DCAF17: variants seen among roughly 807,000 people sequenced by gnomAD.
DCAF17 encodes the protein DDB1 and CUL4 associated factor 17.
DCAF17 carries 48 observed loss-of-function variants against 66.0 expected under a neutral mutation model. The observed-to-expected ratio is 0.73, with a 90% CI of 0.58 to 0.92. DCAF17 has a LOEUF of 0.92. DCAF17 is among the 40% of genes least tolerant of loss of function. The probability of loss-of-function intolerance (pLI) is 0.00; values close to 1 mark genes in which losing one functional copy is unlikely to be tolerated. For synonymous variants in DCAF17, 206 were observed against 214.6 expected (o/e 0.96, Z 0.35); for missense variants, 562 against 622.8 (o/e 0.90, Z 1.04).
chr2:171,461,358 C>G (rs1439581592), intron 8 of DCAF17, among the ~76,000 whole-genome samples: 1 of 151,796 alleles, frequency 6.6e-6, no homozygotes, highest in African/African-American at 2.4e-5. Context: ...ACCCAGGAGG[C>G]AGAGGTTGCA....
Position 171,443,545 on chromosome 2 carries a change from CTT to C in DCAF17, c.255_256del (p.Tyr86Ter). 3 of 1,612,704 alleles carry C rather than the reference CTT, an allele frequency of 1.9e-6. No homozygotes were observed. The highest frequency in any genetic ancestry group is 2.7e-5 in the African/African-American group (2 of 74,970). ...CAGTGTTGCATCTGAGCCAAGAAAACTTTATGAAATGCCAAAATGTTCCAAAT... is the reference window on the plus strand; with the variant it reads ...CAGTGTTGCATCTGAGCCAAGAAAACTATGAAATGCCAAAATGTTCCAAAT... Reference protein sequence around the residue: ...VSSVASEPRKLYEMPKCSKSE... With the variant: ...VSSVASEPRKXYEMPKCSKSE... On this transcript the variant is annotated frameshift_variant, in exon 3 of 14. Coordinates refer to ENST00000375255, the MANE Select transcript of DCAF17 (RefSeq NM_025000.4). LOFTEE classifies it high-confidence loss of function.
chr2:171,434,815 T>C (rs1693734013), intron 1 of DCAF17, 112 bp downstream of exon 1: 2 of 1,393,698 alleles, frequency 1.4e-6, no homozygotes, highest in Non-Finnish European at 1.9e-6. Flanking sequence ...GGGTCACATG[T>C]GATGGGGAGG....
intron 10 of DCAF17, among the ~76,000 whole-genome samples, chr2:171,475,173 C>T (rs191195257): frequency 1.3e-5 from 2 of 152,282 alleles, no homozygotes; most frequent in African/African-American, 4.8e-5. Flanking sequence ...CCTACCTGTT[C>T]TGCCTAATTT....
chr2:171,440,518 G>A (rs201206877), intron 2 of DCAF17, among the ~76,000 whole-genome samples: 1 of 152,102 alleles, frequency 6.6e-6, no homozygotes, highest in Admixed American at 6.5e-5. Context: ...AAGGCTGCTC[G>A]AGCCGTCAGC....
intron 1 of DCAF17, 25 bp from the exon 2 acceptor site, chr2:171,435,058 A>G (rs1381354779): frequency 1.3e-6 from 2 of 1,524,794 alleles, no homozygotes; most frequent in Non-Finnish European, 1.8e-6. Context: ...TTCTTTCCTG[A>G]ACGGAAATTC....
intron 2 of DCAF17, among the ~76,000 whole-genome samples, chr2:171,441,337 C>T (rs1694296499): frequency 6.6e-6 from 1 of 152,170 alleles, no homozygotes; most frequent in Non-Finnish European, 1.5e-5. Context: ...AGAAGCTGCG[C>T]ACTTGGAGTT....
Position 171,483,461 on chromosome 2 carries a change from A to G in DCAF17, c.*2347A>G, listed in dbSNP as rs769595023. 4.4e-6 allele frequency: 2 copies of G among 454,042 alleles called. No homozygotes were observed. Among genetic ancestry groups the G allele is most frequent in the South Asian group, 3.1e-5 (2 of 64,484 alleles). 28.1% of individuals were successfully genotyped at this position (454,042 alleles called of 1,614,324 possible). ...CCTGGATCTAAGTTTCTGCATTCTC[A>G]GAGCATCAATGCAGCAAGCTTATTG... On this transcript the variant is annotated 3_prime_UTR_variant, in exon 14 of 14. Coordinates refer to ENST00000375255, the MANE Select transcript of DCAF17 (RefSeq NM_025000.4).
rs773597984 is a variant in DCAF17 at position 171,472,866 on chromosome 2, A to G, written c.982-1000A>G. On this transcript the variant is annotated intron_variant, in intron 9 of 13. Coordinates refer to ENST00000375255, the MANE Select transcript of DCAF17 (RefSeq NM_025000.4). ...GAAATATGGCATCATTTCATTTTACATTAGAGAAATTAAATTAAATGACTT... is the reference window on the plus strand; with the variant it reads ...GAAATATGGCATCATTTCATTTTACGTTAGAGAAATTAAATTAAATGACTT... 11 of 313,808 alleles carry G rather than the reference A, an allele frequency of 3.5e-5. No individual in the cohort carries two copies. The East Asian group carries it at 7.7e-4, about 22-fold the overall frequency. 19.4% of individuals were successfully genotyped at this position (313,808 alleles called of 1,614,324 possible). A position where few individuals can be genotyped will look rare whatever the true frequency, so the allele number is the denominator to read the frequency against.
intron 9 of DCAF17, among the ~76,000 whole-genome samples, chr2:171,471,169 A>G (rs1415048992): frequency 1.3e-5 from 2 of 152,240 alleles, no homozygotes; most frequent in African/African-American, 4.8e-5. Flanking sequence ...AAGAGCTGCC[A>G]AATTCAGGGG....
chr2:171,450,099 G>A (rs890445236), intron 5 of DCAF17, 142 bp downstream of exon 5: 10 of 685,348 alleles, frequency 1.5e-5, no homozygotes, highest in Admixed American at 2.4e-5. Context: ...GGATGGGATC[G>A]GAGACCATTA....
Position 171,434,521 on chromosome 2 carries a change from G to A in DCAF17, c.-57G>A, listed in dbSNP as rs1693647592. The stretch of plus-strand genomic sequence containing the variant: ...AGGCAGCGGCGGCTGCCCAGCACGG[G>A]AGTGTGGGGCGCGCCACTCGGCGGC... On this transcript the variant is annotated 5_prime_UTR_variant, in exon 1 of 14. Coordinates refer to ENST00000375255, the MANE Select transcript of DCAF17 (RefSeq NM_025000.4). The A allele has an allele frequency of 6.6e-7, 1 of 1,523,380 alleles. No homozygotes were observed. Among genetic ancestry groups the A allele is most frequent in the Admixed American group, 2.0e-5 (1 of 50,584 alleles). 94.4% of individuals were successfully genotyped at this position (1,523,380 alleles called of 1,614,324 possible). A position where few individuals can be genotyped will look rare whatever the true frequency, so the allele number is the denominator to read the frequency against.
At chr2:171,464,701 T>C (rs1055977628) in intron 8 of DCAF17, among the ~76,000 whole-genome samples, 2 of 152,194 alleles carry the variant, frequency 1.3e-5, no homozygotes, top group Admixed American at 1.3e-4. Context: ...TACTTTTAGG[T>C]CCTTTAAATG....
At position 171,434,786 on chromosome 2, in the gene DCAF17, G is replaced by C. The variant is rs936562342; in HGVS notation, c.126+83G>C. 21 of 1,387,910 alleles carry C rather than the reference G, an allele frequency of 1.5e-5. No homozygotes were observed. The South Asian group carries it at 2.8e-4, about 18-fold the overall frequency. The allele number at this position is 1,387,910 out of a possible 1,614,324, so 86.0% of individuals were successfully genotyped here. A position where few individuals can be genotyped will look rare whatever the true frequency, so the allele number is the denominator to read the frequency against. On this transcript the variant is annotated intron_variant, in intron 1 of 13. Coordinates refer to ENST00000375255, the MANE Select transcript of DCAF17 (RefSeq NM_025000.4). ...TCCTGCGGGGATGCGGTTTTAACGC[G>C]CTGGGGCCTCCCTTTATAGGGTCAC...
rs897980063 is a variant in DCAF17, at chr2:171,458,559, G to A, written c.838+82G>A. 5 of 1,092,216 alleles carry A rather than the reference G, an allele frequency of 4.6e-6. No individual in the cohort carries two copies. The African/African-American group carries it at 8.0e-5, about 17-fold the overall frequency. 67.7% of individuals were successfully genotyped at this position (1,092,216 alleles called of 1,614,324 possible). A position where few individuals can be genotyped will look rare whatever the true frequency, so the allele number is the denominator to read the frequency against. On this transcript the variant is annotated intron_variant, in intron 8 of 13. Coordinates refer to ENST00000375255, the MANE Select transcript of DCAF17 (RefSeq NM_025000.4). ...AGTTATTAATTATAGTCATCCAAAT[G>A]TTTTTCTCATTTATTTAAAAAACTC...
At position 171,482,504 on chromosome 2, in the gene DCAF17, T is replaced by C. The variant is rs1215575779; in HGVS notation, c.*1390T>C. The C allele has an allele frequency of 2.2e-6, 1 of 454,020 alleles. No homozygotes were observed. The highest frequency in any genetic ancestry group is 2.0e-5 in the African/African-American group (1 of 50,108). 28.1% of individuals were successfully genotyped at this position (454,020 alleles called of 1,614,324 possible). A position where few individuals can be genotyped will look rare whatever the true frequency, so the allele number is the denominator to read the frequency against. On this transcript the variant is annotated 3_prime_UTR_variant, in exon 14 of 14. Coordinates refer to ENST00000375255, the MANE Select transcript of DCAF17 (RefSeq NM_025000.4). Reference sequence around the variant, plus strand: ...TAGTCCCACTCAGTAAACTTACATCTTGAAAAACAAGACCAGTAAGAGGCC... The same window carrying C: ...TAGTCCCACTCAGTAAACTTACATCCTGAAAAACAAGACCAGTAAGAGGCC...
Position 171,483,470 on chromosome 2 carries a change from A to T in DCAF17, c.*2356A>T, listed in dbSNP as rs1335496831. On this transcript the variant is annotated 3_prime_UTR_variant, in exon 14 of 14. Coordinates refer to ENST00000375255, the MANE Select transcript of DCAF17 (RefSeq NM_025000.4). Reference sequence around the variant, plus strand: ...AAGTTTCTGCATTCTCAGAGCATCAATGCAGCAAGCTTATTGTTCCTCAAT... The same window carrying T: ...AAGTTTCTGCATTCTCAGAGCATCATTGCAGCAAGCTTATTGTTCCTCAAT... The T allele has an allele frequency of 2.2e-6, 1 of 454,126 alleles. No homozygotes were observed. Among genetic ancestry groups the T allele is most frequent in the Non-Finnish European group, 4.4e-6 (1 of 226,796 alleles). 28.1% of individuals were successfully genotyped at this position (454,126 alleles called of 1,614,324 possible). A position where few individuals can be genotyped will look rare whatever the true frequency, so the allele number is the denominator to read the frequency against.
At chr2:171,470,128 A>T (rs1381109527) in intron 9 of DCAF17, among the ~76,000 whole-genome samples, 1 of 152,142 alleles carries the variant, frequency 6.6e-6, no homozygotes, top group East Asian at 1.9e-4. Flanking sequence ...GGCTCAAGTG[A>T]TCCTCCCACC....
intron 2 of DCAF17, among the ~76,000 whole-genome samples, chr2:171,438,286 A>G (rs921737943): frequency 3.9e-5 from 6 of 152,176 alleles, no homozygotes; most frequent in African/African-American, 1.4e-4. Flanking sequence ...AATGTGGTCT[A>G]CCTTGGTGAA....
Position 171,482,097 on chromosome 2 carries a change from T to C in DCAF17, c.*983T>C. 1 of 452,600 alleles carries C rather than the reference T, an allele frequency of 2.2e-6. No individual in the cohort carries two copies. The allele number at this position is 452,600 out of a possible 1,614,324, so 28.0% of individuals were successfully genotyped here. ...TATTTCTTCTTTGTTAGGAAAGATC[T>C]AAATATGGTCCTTGACTTTTAATAA... On this transcript the variant is annotated 3_prime_UTR_variant, in exon 14 of 14. Transcript: ENST00000375255.
Sources: gnomAD v4.1 joint callset for allele counts (sites outside exome capture counted in the v4.1 genomes callset) on GRCh38, gnomAD v4.1.1 for gene constraint, MANE v1.5 for transcripts, NCBI Gene and HGNC (gene_info 2026-07-23, HGNC 2026-07-21) for gene names.